The following GRIP2 variants were observed in gnomAD, a reference collection of about 807,000 sequenced individuals.
GRIP2 encodes glutamate receptor interacting protein 2.
In GRIP2, 58 loss-of-function variants were observed where a neutral mutation model predicts 108.3. The observed-to-expected ratio is 0.54, with a 90% CI of 0.43 to 0.67. The LOEUF is 0.67. GRIP2 is among the 30% of genes least tolerant of loss of function. GRIP2 has a pLI of 0.00. For missense variants in GRIP2, 1,278 were observed against 1,430.6 expected, an observed-to-expected ratio of 0.89 and a Z score of 1.72; for synonymous variants, 586 against 598.2, an observed-to-expected ratio of 0.98 and a Z score of 0.30.
chr3:14,523,836 G>T, intron 4 of GRIP2, 138 bp from the exon 5 acceptor site: 1 of 657,652 alleles, frequency 1.5e-6, no homozygotes. Flanking sequence ...CCATTTTACA[G>T]GTCGAACAAG....
chr3:14,498,710 G>A (rs1693684999), intron 21 of GRIP2, among the ~76,000 whole-genome samples: 1 of 152,162 alleles, frequency 6.6e-6, no homozygotes, highest in Non-Finnish European at 1.5e-5. Context: ...CCCTAAAATT[G>A]TAGAATTCAA....
In GRIP2 at chr3:14,522,081, T is replaced by A. The variant is rs1694427984; in HGVS notation, c.567-294A>T. On this transcript the variant is annotated intron_variant, in intron 6 of 23. Coordinates refer to ENST00000621039, the MANE Select transcript of GRIP2 (RefSeq NM_001080423.4). The surrounding 1 kb of genome is among the most constrained non-coding windows in gnomAD (Gnocchi z 4.3). Reference sequence around the variant, plus strand: ...AGACTCAGTGCAGAACCCTGAAATGTCTGAGCTGGGGGTGCTCTTCAAGCG... The same window carrying A: ...AGACTCAGTGCAGAACCCTGAAATGACTGAGCTGGGGGTGCTCTTCAAGCG... 1 of 360,282 alleles carries A rather than the reference T, an allele frequency of 2.8e-6. No individual in the cohort carries two copies. The allele number at this position is 360,282 out of a possible 1,614,324, so 22.3% of individuals were successfully genotyped here. A position where few individuals can be genotyped will look rare whatever the true frequency, so the allele number is the denominator to read the frequency against.
In GRIP2 at chr3:14,506,700, G is replaced by T. The variant is rs2276756; in HGVS notation, c.2398+101C>A. On this transcript the variant is annotated intron_variant, in intron 19 of 23. Transcript: ENST00000621039. ...CCCTAAAGGATGCCAGGAGAGGAGC[G>T]CAGGAGGGAGGAACAGGCACAAGAA... The T allele has an allele frequency of 4.3e-6, 5 of 1,150,896 alleles. No homozygotes were observed. The African/African-American group carries it at 6.3e-5, about 14-fold the overall frequency. The allele number at this position is 1,150,896 out of a possible 1,614,324, so 71.3% of individuals were successfully genotyped here. A position where few individuals can be genotyped will look rare whatever the true frequency, so the allele number is the denominator to read the frequency against.
chr3:14,591,482 T>C, the GRIP2 span, among the ~76,000 whole-genome samples: 1 of 151,998 alleles, frequency 6.6e-6, no homozygotes, highest in Non-Finnish European at 1.5e-5. Flanking sequence ...ATGGAAATAA[T>C]CAGACCTACG....
the GRIP2 span, chr3:14,574,312 G>A: frequency 2.0e-6 from 2 of 1,000,532 alleles, no homozygotes; most frequent in Non-Finnish European, 3.1e-6. Context: ...CCATACAGCC[G>A]CTTCTCCCGG....
the GRIP2 span, chr3:14,573,096 G>A: frequency 1.6e-5 from 22 of 1,407,670 alleles, no homozygotes; most frequent in African/African-American, 4.3e-5. Context: ...GATGAACCCC[G>A]AAATGTGGGC....
At chr3:14,568,256 G>C in the GRIP2 span, among the ~76,000 whole-genome samples, 37 of 152,316 alleles carry the variant, frequency 2.4e-4, 1 homozygote, top group East Asian at 7.1e-3. Flanking sequence ...AGTGAGGGTG[G>C]AGGTGGGAAG....
intron 5 of GRIP2, chr3:14,523,304 C>T (rs1395549287): frequency 1.2e-5 from 7 of 576,160 alleles, no homozygotes; most frequent in Non-Finnish European, 2.2e-5. Context: ...GGCTTGCCTC[C>T]CTTCTGTGAC....
Position 14,489,963 on chromosome 3 carries a change from C to T in GRIP2, c.*3702G>A, listed in dbSNP as rs1377082729. ...TGGGGCAGCCTTCCTGCCAACAGCGCCCCCCACCCTTTGGGATGGACAAAC... is the reference window on the plus strand; with the variant it reads ...TGGGGCAGCCTTCCTGCCAACAGCGTCCCCCACCCTTTGGGATGGACAAAC... On this transcript the variant is annotated 3_prime_UTR_variant, in exon 24 of 24. Transcript: ENST00000621039. 1.3e-5 allele frequency: 2 copies of T among 152,168 alleles called. No individual in the cohort carries two copies. Among genetic ancestry groups the T allele is most frequent in the Non-Finnish European group, 2.9e-5 (2 of 68,040 alleles). The allele number at this position is 152,168 out of a possible 1,614,324, so 9.4% of individuals were successfully genotyped here.
upstream of GRIP2, among the ~76,000 whole-genome samples, chr3:14,560,601 A>T (rs1346046616): frequency 1.3e-5 from 2 of 152,154 alleles, no homozygotes; most frequent in East Asian, 3.9e-4. Context: ...AATCTTCTGG[A>T]GGTGTGGAGA....
At chr3:14,529,299 AAAAG>A (rs1236593874) in intron 1 of GRIP2, among the ~76,000 whole-genome samples, 4,737 of 135,094 alleles carry the variant, frequency 0.035, 105 homozygotes, top group East Asian at 0.12. Flanking sequence ...AAAAAAAAAA[AAAAG>A]GAAAAACACT....
In GRIP2 at chr3:14,493,436, C is replaced by T. The variant is rs567034577; in HGVS notation, c.*229G>A. 1.8e-6 allele frequency: 1 copy of T among 540,950 alleles called. No homozygotes were observed. Among genetic ancestry groups the T allele is most frequent in the African/African-American group, 1.9e-5 (1 of 51,636 alleles). The allele number at this position is 540,950 out of a possible 1,614,324, so 33.5% of individuals were successfully genotyped here. A position where few individuals can be genotyped will look rare whatever the true frequency, so the allele number is the denominator to read the frequency against. Reference sequence around the variant, plus strand: ...GAGGCTCCTCTGGGCATCTTGGAGACCCAACTTGGCGAGAGACCCCAGCTG... The same window carrying T: ...GAGGCTCCTCTGGGCATCTTGGAGATCCAACTTGGCGAGAGACCCCAGCTG... On this transcript the variant is annotated 3_prime_UTR_variant, in exon 24 of 24. Coordinates refer to ENST00000621039, the MANE Select transcript of GRIP2 (RefSeq NM_001080423.4).
intron 1 of GRIP2, among the ~76,000 whole-genome samples, chr3:14,548,290 G>A (rs138509688): frequency 4.1e-3 from 619 of 152,340 alleles, no homozygotes; most frequent in Non-Finnish European, 7.0e-3. Context: ...TCACCGAATC[G>A]GGGCATTCCC....
chr3:14,556,512 T>C (rs1230638195), upstream of GRIP2, among the ~76,000 whole-genome samples: 2 of 152,144 alleles, frequency 1.3e-5, no homozygotes, highest in African/African-American at 4.8e-5. Context: ...ACTAAGGAGC[T>C]CTGAGACAAG....
intron 1 of GRIP2, among the ~76,000 whole-genome samples, chr3:14,555,650 G>A (rs541497832): frequency 1.4e-4 from 21 of 152,052 alleles, no homozygotes; most frequent in African/African-American, 4.8e-4. Flanking sequence ...GAGAGGAAGG[G>A]ACCCAGAGAG....
chr3:14,520,416 G>GCGGT lies in GRIP2; in HGVS notation c.830_833dup (p.Ile279ProfsTer35). ...TGTCCACCACGCTGGCTGGCTTGAT[G>GCGGT]CGGTCGATGGTAATGACTGACTTGT... is the stretch of plus-strand genomic sequence containing the variant. On this transcript the variant is annotated frameshift_variant, in exon 8 of 24. Transcript: ENST00000621039. LOFTEE classifies it high-confidence loss of function. The GCGGT allele has an allele frequency of 6.2e-7, 1 of 1,613,022 alleles. No homozygotes were observed. Among genetic ancestry groups the GCGGT allele is most frequent in the Non-Finnish European group, 8.5e-7 (1 of 1,179,542 alleles).
At position 14,493,960 on chromosome 3, in the gene GRIP2, C is replaced by A. The variant is rs1016141661; in HGVS notation, c.2971-134G>T. On this transcript the variant is annotated intron_variant, in intron 23 of 23. Coordinates refer to ENST00000621039, the MANE Select transcript of GRIP2 (RefSeq NM_001080423.4). The stretch of plus-strand genomic sequence containing the variant: ...GCAAGCCCTGACATCACCAGCACCA[C>A]ACACAGAGGAACATTCTTCCTCTAA... The A allele has an allele frequency of 2.5e-5, 20 of 792,286 alleles. No homozygotes were observed. The African/African-American group carries it at 3.5e-4, about 14-fold the overall frequency. 49.1% of individuals were successfully genotyped at this position (792,286 alleles called of 1,614,324 possible).
Position 14,507,532 on chromosome 3 carries a change from T to C in GRIP2, c.2218+29A>G. 6 of 1,607,632 alleles carry C rather than the reference T, an allele frequency of 3.7e-6. No individual in the cohort carries two copies. The highest frequency in any genetic ancestry group is 5.1e-6 in the Non-Finnish European group (6 of 1,174,484). On this transcript the variant is annotated intron_variant, in intron 18 of 23. Coordinates refer to ENST00000621039, the MANE Select transcript of GRIP2 (RefSeq NM_001080423.4). This position sits in a 1 kb window ranked among gnomAD's most constrained non-coding sequence, Gnocchi z 4.6. ...GATTGCCCTTCCTAAACCTGCTGGG[T>C]GGCTCCCAGGGGATGAAGCGAATCT...
chr3:14,525,548 A>C lies in GRIP2; in HGVS notation c.146T>G (p.Val49Gly). The C allele has an allele frequency of 6.2e-7, 1 of 1,613,608 alleles. No individual in the cohort carries two copies. Among genetic ancestry groups the C allele is most frequent in the East Asian group, 2.2e-5 (1 of 44,860 alleles). Reference sequence around the variant, plus strand: ...GCTGCCTTCTTTCTTGATCAGCTCCACCACAGTGATCCCTCGGAACTCCTC... The same window carrying C: ...GCTGCCTTCTTTCTTGATCAGCTCCCCCACAGTGATCCCTCGGAACTCCTC... ...IPEEFRGITV[V>G]ELIKKEGSTL... The change falls in exon 3 of 24, where the codon GTG becomes GGG. Residue 49 changes from valine (V) to glycine (G), a missense_variant. Physicochemically the swap from Val to Gly is moderately radical, Grantham distance 109. Coordinates refer to ENST00000621039, the MANE Select transcript of GRIP2 (RefSeq NM_001080423.4).
Sources: gnomAD v4.1 joint callset for allele counts (sites outside exome capture counted in the v4.1 genomes callset) on GRCh38, gnomAD v4.1.1 for gene constraint, Gnocchi (gnomAD v3.1) non-coding constraint, MANE v1.5 for transcripts, NCBI Gene and HGNC (gene_info 2026-07-23, HGNC 2026-07-21) for gene names.